Variants in CCDC7 observed in about 807,000 individuals in gnomAD.
CCDC7 encodes the protein coiled-coil domain-containing protein 7.
In CCDC7, 183 loss-of-function variants were observed where a neutral mutation model predicts 196.9. The observed-to-expected ratio is 0.93, with a 90% confidence interval of 0.82 to 1.05. The LOEUF is 1.05. Ranked by LOEUF, CCDC7 falls within the 50% of genes least tolerant of loss-of-function variation. The pLI is 0.00. For missense variants in CCDC7, 1,540 were observed against 1,482.2 expected (o/e 1.04, Z -0.64); for synonymous variants, 525 against 484.6 (o/e 1.08, Z -1.10).
At chr10:32,577,660 T>G (rs993804675) in intron 16 of CCDC7, among the ~76,000 whole-genome samples, 2 of 152,214 alleles carry the variant, frequency 1.3e-5, no homozygotes, top group Non-Finnish European at 2.9e-5. Flanking sequence ...GGCAAATCTT[T>G]CAGGCAAGTG....
chr10:32,835,076 TG>T (rs956909581), intron 33 of CCDC7, among the ~76,000 whole-genome samples, 178 bp downstream of exon 34: 1 of 152,154 alleles, frequency 6.6e-6, no homozygotes, highest in Admixed American at 6.6e-5. Flanking sequence ...TAGTTAGATA[TG>T]ATTAGTTTTA....
At chr10:32,570,489 C>G (rs941049560) in intron 15 of CCDC7, among the ~76,000 whole-genome samples, 1 of 152,146 alleles carries the variant, frequency 6.6e-6, no homozygotes, top group Non-Finnish European at 1.5e-5. Context: ...GGCTCAAACA[C>G]AATGGAAGCT....
intron 29 of CCDC7, among the ~76,000 whole-genome samples, chr10:32,803,973 A>C (rs1488639075): frequency 6.6e-6 from 1 of 152,110 alleles, no homozygotes; most frequent in East Asian, 1.9e-4. Context: ...TATGATATAC[A>C]CTCCTAATCA....
intron 14 of CCDC7, 84 bp from the exon 16 acceptor site, chr10:32,567,586 A>G (rs1156241125): frequency 2.8e-6 from 4 of 1,425,714 alleles, no homozygotes; most frequent in Non-Finnish European, 3.7e-6. Context: ...TGTAGGCGTA[A>G]ATATATGTAG....
At chr10:32,599,559 C>T (rs1362442641) in intron 18 of CCDC7, among the ~76,000 whole-genome samples, 1 of 151,606 alleles carries the variant, frequency 6.6e-6, no homozygotes, top group Non-Finnish European at 1.5e-5. Flanking sequence ...ATTTTTTATT[C>T]TCCTCTCATT....
At chr10:32,661,387 G>A (rs1048070454) in intron 20 of CCDC7, among the ~76,000 whole-genome samples, 5 of 151,870 alleles carry the variant, frequency 3.3e-5, no homozygotes, top group Non-Finnish European at 5.9e-5. Context: ...CTGTAAACTA[G>A]TTCAACCATT....
intron 41 of CCDC7, among the ~76,000 whole-genome samples, chr10:32,856,063 G>C (rs2504009): frequency 2.0e-5 from 3 of 152,178 alleles, no homozygotes; most frequent in African/African-American, 7.2e-5. Context: ...ATCTTACACA[G>C]ACAAAAATTA....
intron 21 of CCDC7, among the ~76,000 whole-genome samples, chr10:32,683,613 G>A (rs1475284007): frequency 6.6e-6 from 1 of 152,208 alleles, no homozygotes; most frequent in African/African-American, 2.4e-5. Context: ...TATGAGCACG[G>A]AATGTTTTTC....
At chr10:32,719,502 A>G (rs1056802638) in intron 25 of CCDC7, among the ~76,000 whole-genome samples, 6 of 152,252 alleles carry the variant, frequency 3.9e-5, no homozygotes, top group Non-Finnish European at 7.3e-5. Context: ...GGCAATTGCA[A>G]TAAAAGCCAA....
At chr10:32,807,979 A>G (rs535597296) in intron 30 of CCDC7, among the ~76,000 whole-genome samples, 5 of 151,942 alleles carry the variant, frequency 3.3e-5, no homozygotes, top group African/African-American at 4.8e-5. Context: ...GTAGAGCCCC[A>G]CTGACATCCC....
exon 6 of CCDC7, chr10:32,471,179 G>T: frequency 6.2e-7 from 1 of 1,612,002 alleles, no homozygotes; most frequent in Non-Finnish European, 8.5e-7. Context: ...CTGAAGAATC[G>T]CCTTAAACAG....
Position 32,574,954 on chromosome 10 carries a change from C to T in CCDC7, c.1454+3061C>T, listed in dbSNP as rs1018964677. Among the ~76,000 whole-genome samples the T allele has an allele frequency of 1.5e-4, 23 of 152,140 alleles. 1 individual carries two copies. The highest frequency in any genetic ancestry group is 4.1e-4 in the South Asian group (2 of 4,824). On this transcript the variant is annotated intron_variant, in intron 16 of 41. Transcript: ENST00000639629. Reference sequence around the variant, plus strand: ...ATTCAAGAGATACTTTTGTCACCTTCATATGTCCAGTTCTCTTTTGGGTAT... The same window carrying T: ...ATTCAAGAGATACTTTTGTCACCTTTATATGTCCAGTTCTCTTTTGGGTAT...
At chr10:32,777,966 T>C (rs996005904) in intron 28 of CCDC7, among the ~76,000 whole-genome samples, 3 of 152,272 alleles carry the variant, frequency 2.0e-5, no homozygotes, top group Non-Finnish European at 4.4e-5. Context: ...TTTTTTCATA[T>C]GTTTCTTGGC....
At chr10:32,536,134 C>T (rs2050449598) in intron 11 of CCDC7, among the ~76,000 whole-genome samples, 2 of 150,888 alleles carry the variant, frequency 1.3e-5, no homozygotes, top group South Asian at 4.2e-4. Context: ...TTTCTTGCTG[C>T]ACATGTATCT....
Position 32,467,942 on chromosome 10 carries a change from A to G in CCDC7, c.511-3122A>G, listed in dbSNP as rs557416656. Among the ~76,000 whole-genome samples the G allele has an allele frequency of 2.6e-5, 4 of 151,960 alleles. No individual in the cohort carries two copies. The South Asian group carries it at 6.2e-4, about 24-fold the overall frequency. On this transcript the variant is annotated intron_variant, in intron 5 of 41. Transcript: ENST00000639629. ...CTTCTCTATTCTGTTCCATTGCTCT[A>G]TGTGTCTGGTTTTGTGCCAGTACCG...
At chr10:32,638,903 T>G (rs904611714) in intron 20 of CCDC7, among the ~76,000 whole-genome samples, 1 of 152,194 alleles carries the variant, frequency 6.6e-6, no homozygotes, top group Non-Finnish European at 1.5e-5. Flanking sequence ...TGCCTCTATT[T>G]CAGAGCCTGT....
chr10:32,659,467 C>A (rs1477958477), intron 20 of CCDC7, among the ~76,000 whole-genome samples: 1 of 152,118 alleles, frequency 6.6e-6, no homozygotes, highest in Admixed American at 6.5e-5. Context: ...CAAAGTCATA[C>A]CTTGGAGATA....
intron 20 of CCDC7, among the ~76,000 whole-genome samples, chr10:32,650,389 A>G (rs1244743464): frequency 6.6e-6 from 1 of 152,134 alleles, no homozygotes; most frequent in African/African-American, 2.4e-5. Context: ...CACATTTGCA[A>G]CTGTGTTCTG....
intron 15 of CCDC7, 87 bp from the exon 17 acceptor site, chr10:32,571,772 C>A: frequency 8.1e-7 from 1 of 1,235,694 alleles, no homozygotes; most frequent in Non-Finnish European, 1.1e-6. Flanking sequence ...TATTAAAAAA[C>A]TACCTTAAAT....
Sources: allele counts gnomAD v4.1 joint callset (sites outside exome capture counted in the v4.1 genomes callset), GRCh38; gene constraint gnomAD v4.1.1; transcripts MANE v1.5; gene names NCBI Gene and HGNC (gene_info 2026-07-23, HGNC 2026-07-21).